Variants in MGST2 observed in about 807,000 individuals in gnomAD.
The protein encoded by MGST2 is microsomal glutathione S-transferase 2, also known as glutathione peroxidase MGST2.
A neutral mutation model predicts 16.6 loss-of-function variants in MGST2; 9 were observed. The ratio of observed to expected loss-of-function variants is 0.54; its 90% CI spans 0.33 to 0.95. MGST2 has a LOEUF of 0.95. Among genes scored for constraint, MGST2 ranks in the 40% least tolerant of loss-of-function variants. The pLI, the probability that MGST2 is intolerant of heterozygous loss-of-function variation, is 0.03. For synonymous variants in MGST2, 79 were observed against 68.0 expected, an observed-to-expected ratio of 1.16 and a Z score of -0.79; for missense variants, 159 against 175.1, an observed-to-expected ratio of 0.91 and a Z score of 0.52.
rs778004940 is a variant in MGST2 at position 139,678,504 on chromosome 4, G to A, written c.59-39G>A. The A allele has an allele frequency of 1.6e-5, 24 of 1,466,340 alleles. No homozygotes were observed. The Middle Eastern group carries it at 6.9e-4, about 42-fold the overall frequency. 90.8% of individuals were successfully genotyped at this position (1,466,340 alleles called of 1,614,324 possible). On this transcript the variant is annotated intron_variant, in intron 1 of 4. Transcript: ENST00000265498. ...TTGCATTCCACTAATGACTAATGAC[G>A]TGCCCCATCTTTAACGCAACATTTC...
intron 1 of MGST2, among the ~76,000 whole-genome samples, chr4:139,667,609 G>A (rs1046715677): frequency 1.3e-5 from 2 of 152,064 alleles, no homozygotes; most frequent in Non-Finnish European, 2.9e-5. Flanking sequence ...CCTGTAATCC[G>A]AGTACTTTGG....
downstream of MGST2, among the ~76,000 whole-genome samples, chr4:139,741,543 G>C (rs371069241): frequency 2.6e-4 from 39 of 152,286 alleles, no homozygotes; most frequent in African/African-American, 6.7e-4. Context: ...CTTGAGTTCA[G>C]TTCAGGACCA....
At chr4:139,686,106 A>C (rs150162980) in intron 2 of MGST2, among the ~76,000 whole-genome samples, 1 of 152,244 alleles carries the variant, frequency 6.6e-6, no homozygotes, top group African/African-American at 2.4e-5. Context: ...TCAATCAAAT[A>C]CATTTAAGAA....
At chr4:139,697,248 C>G (rs1726977221) in intron 3 of MGST2, among the ~76,000 whole-genome samples, 1 of 152,162 alleles carries the variant, frequency 6.6e-6, no homozygotes, top group Admixed American at 6.5e-5. Context: ...CCTATCCCTT[C>G]CTGCCTTAAA....
chr4:139,743,186 C>T (rs1204298197), downstream of MGST2, among the ~76,000 whole-genome samples: 1 of 152,236 alleles, frequency 6.6e-6, no homozygotes, highest in African/African-American at 2.4e-5. Flanking sequence ...TTACACGCCT[C>T]CTTTAAGAGC....
chr4:139,673,378 C>A (rs758905595), intron 1 of MGST2, among the ~76,000 whole-genome samples: 7 of 151,994 alleles, frequency 4.6e-5, no homozygotes, highest in Non-Finnish European at 8.8e-5. Flanking sequence ...CCCTAACTCC[C>A]CAATGGCTTT....
intron 5 of MGST2, among the ~76,000 whole-genome samples, chr4:139,723,102 C>T (rs2110964512): frequency 6.6e-6 from 1 of 152,312 alleles, no homozygotes; most frequent in Non-Finnish European, 1.5e-5. Context: ...AGGATGATAT[C>T]ATATCTATAT....
At chr4:139,722,917 A>G (rs761328787) in intron 5 of MGST2, among the ~76,000 whole-genome samples, 2 of 152,250 alleles carry the variant, frequency 1.3e-5, no homozygotes, top group Non-Finnish European at 2.9e-5. Context: ...ATATATCTCA[A>G]ACCAATCAGT....
intron 2 of MGST2, 35 bp from the exon 3 acceptor site, chr4:139,695,162 C>G (rs765587985): frequency 6.1e-6 from 9 of 1,477,020 alleles, no homozygotes; most frequent in Middle Eastern, 1.8e-4. Flanking sequence ...ATACTTTTCT[C>G]ATAAAATAAC....
At chr4:139,688,012 TTAGAG>T (rs1560745319) in intron 2 of MGST2, among the ~76,000 whole-genome samples, 2 of 152,226 alleles carry the variant, frequency 1.3e-5, no homozygotes, top group East Asian at 1.9e-4. Context: ...CTTGATCCCT[TTAGAG>T]TAAAGTCATT....
chr4:139,713,473 CAGAAAA>C (rs1727815113), intron 5 of MGST2, among the ~76,000 whole-genome samples: 4 of 4,120 alleles, frequency 9.7e-4, no homozygotes, highest in Non-Finnish European at 2.2e-3. Context: ...AGTGGCAAGA[CAGAAAA>C]AAAAAAAAAA....
Position 139,666,064 on chromosome 4 carries a change from G to C in MGST2, c.45G>C (p.Ser15=), listed in dbSNP as rs1730320148. 3.7e-6 allele frequency: 6 copies of C among 1,613,778 alleles called. No homozygotes were observed. The African/African-American group carries it at 5.3e-5, about 14-fold the overall frequency. The change falls in exon 1 of 5, where the codon TCG becomes TCC. Residue 15 remains serine, a synonymous_variant. Coordinates refer to ENST00000265498, the MANE Select transcript of MGST2 (RefSeq NM_002413.5). ...SILLAAVSIL[S]ACQQSYFALQ... is the part of the protein sequence containing the mutation. ...TGCTGGCTGCTGTCTCTATTCTCTC[G>C]GCCTGTCAGCAAAGTAAGAGGCATG...
intron 5 of MGST2, chr4:139,719,660 C>A: frequency 1.9e-6 from 3 of 1,613,080 alleles, no homozygotes; most frequent in South Asian, 1.1e-5. Context: ...CATCTGCCGA[C>A]CCATGGCAGC....
At chr4:139,673,867 G>GTATAGCAGAA (rs1188707324) in intron 1 of MGST2, among the ~76,000 whole-genome samples, 1 of 152,112 alleles carries the variant, frequency 6.6e-6, no homozygotes, top group Non-Finnish European at 1.5e-5. Flanking sequence ...TTAAAGGCAG[G>GTATAGCAGAA]GGTATATTTC....
intron 2 of MGST2, among the ~76,000 whole-genome samples, chr4:139,683,874 G>A (rs1242688975): frequency 6.6e-6 from 1 of 151,352 alleles, no homozygotes; most frequent in African/African-American, 2.4e-5. Flanking sequence ...AAAAATGAGA[G>A]AGCTTGTGCA....
chr4:139,735,854 G>A lies in MGST2; in HGVS notation c.*49-4358G>A, dbSNP rs1728919608. Reference sequence around the variant, plus strand: ...ACGAGGCGGTCCCGGGCGCGGGCAGGGGCGGTGCGGCGGCGCTCGGGAGAC... The same window carrying A: ...ACGAGGCGGTCCCGGGCGCGGGCAGAGGCGGTGCGGCGGCGCTCGGGAGAC... On this transcript the variant is annotated intron_variant, in intron 5 of 5. Coordinates refer to the MGST2 transcript ENST00000616265. The surrounding 1 kb of genome is among the most constrained non-coding windows in gnomAD (Gnocchi z 5.8). 6.6e-6 allele frequency among the ~76,000 whole-genome samples: 1 copy of A among 152,018 alleles called. No individual in the cohort carries two copies. The highest frequency in any genetic ancestry group is 1.9e-4 in the East Asian group (1 of 5,156).
At chr4:139,714,563 T>G (rs1727868501) in intron 5 of MGST2, among the ~76,000 whole-genome samples, 1 of 152,198 alleles carries the variant, frequency 6.6e-6, no homozygotes. Flanking sequence ...AACATAGATA[T>G]TAACCAGGCT....
chr4:139,703,393 A>G, intron 3 of MGST2, 62 bp from the exon 4 acceptor site: 3 of 1,352,502 alleles, frequency 2.2e-6, no homozygotes, highest in East Asian at 2.3e-5. Context: ...TCGTCGTACA[A>G]CATCTTAAGA....
At position 139,711,798 on chromosome 4, in the gene MGST2, TC is replaced by T. The variant is rs532157090; in HGVS notation, c.*48+7608del. Among the ~76,000 whole-genome samples the T allele has an allele frequency of 1.6e-3, 245 of 152,224 alleles. 1 individual carries two copies. Among genetic ancestry groups the T allele is most frequent in the African/African-American group, 5.4e-3 (225 of 41,524 alleles). On this transcript the variant is annotated intron_variant, in intron 5 of 5. Coordinates refer to the MGST2 transcript ENST00000616265. Reference sequence around the variant, plus strand: ...AGATGGAGTTGCCGCCTCTGACATTTCCCCCCTTTCTTTTATAAGAGAACCT... The same window carrying T: ...AGATGGAGTTGCCGCCTCTGACATTTCCCCCTTTCTTTTATAAGAGAACCT...
Sources: gnomAD v4.1 joint callset for allele counts (sites outside exome capture counted in the v4.1 genomes callset) on GRCh38, gnomAD v4.1.1 for gene constraint, Gnocchi (gnomAD v3.1) non-coding constraint, MANE v1.5 for transcripts, NCBI Gene and HGNC (gene_info 2026-07-23, HGNC 2026-07-21) for gene names.